AGTPBP1: variants seen among roughly 807,000 people sequenced by gnomAD.
The protein encoded by AGTPBP1 is cytosolic carboxypeptidase 1.
A neutral mutation model predicts 143.9 loss-of-function variants in AGTPBP1; 70 were observed. The ratio of observed to expected loss-of-function variants is 0.49; its 90% CI spans 0.40 to 0.59. AGTPBP1 has a LOEUF of 0.59. AGTPBP1 is among the 20% of genes least tolerant of loss of function. AGTPBP1 has a pLI of 0.00. For synonymous variants in AGTPBP1, 463 were observed against 500.2 expected, an observed-to-expected ratio of 0.93 and a Z score of 0.99; for missense variants, 1,229 against 1,464.5, an observed-to-expected ratio of 0.84 and a Z score of 2.62.
chr9:85,641,119 T>C (rs1163722392), intron 13 of AGTPBP1, among the ~76,000 whole-genome samples: 1 of 152,086 alleles, frequency 6.6e-6, no homozygotes, highest in African/African-American at 2.4e-5. Context: ...CAAAAAAACA[T>C]GGTATATAAA....
intron 17 of AGTPBP1, among the ~76,000 whole-genome samples, chr9:85,607,178 C>T (rs536237115): frequency 6.6e-6 from 1 of 152,024 alleles, no homozygotes; most frequent in East Asian, 1.9e-4. Context: ...TAAATATGTG[C>T]AAATATTATG....
chr9:85,675,738 C>T (rs1322920070), intron 6 of AGTPBP1, among the ~76,000 whole-genome samples: 1 of 151,908 alleles, frequency 6.6e-6, no homozygotes, highest in Non-Finnish European at 1.5e-5. Context: ...TATAAAAAAC[C>T]ATTTCGGCTG....
rs761137575 is a variant in AGTPBP1, at chr9:85,657,612, T to A, written c.732A>T (p.Gly244=). 2 of 1,613,764 alleles carry A rather than the reference T, an allele frequency of 1.2e-6. No homozygotes were observed. Among genetic ancestry groups the A allele is most frequent in the Non-Finnish European group, 1.7e-6 (2 of 1,179,864 alleles). ...AAATTGTTAAAAGCACTTGGACATA[T>A]CCTCTGTCTACAGCTCTCCTGGCAT... ...KTNARRAVDR[G]YVQVLLTIYV... The change falls in exon 10 of 26, where the codon GGA becomes GGT. Residue 244 remains glycine (G), a synonymous_variant. Coordinates refer to ENST00000357081, the MANE Select transcript of AGTPBP1 (RefSeq NM_001330701.2).
intron 1 of AGTPBP1, among the ~76,000 whole-genome samples, chr9:85,739,719 A>C (rs1293833218): frequency 6.6e-6 from 1 of 151,654 alleles, no homozygotes; most frequent in African/African-American, 2.4e-5. Flanking sequence ...AAAAAAAAAA[A>C]AAAAAAAATT....
chr9:85,648,078 G>A (rs2133870494), intron 11 of AGTPBP1, among the ~76,000 whole-genome samples: 1 of 152,298 alleles, frequency 6.6e-6, no homozygotes, highest in African/African-American at 2.4e-5. Context: ...TCTAGAAACA[G>A]AATACCTGAA....
chr9:85,797,427 T>C, the AGTPBP1 span, among the ~76,000 whole-genome samples: 1 of 152,208 alleles, frequency 6.6e-6, no homozygotes, highest in Non-Finnish European at 1.5e-5. Flanking sequence ...GTTTTCTCTA[T>C]ATCTATCACC....
At chr9:85,615,682 T>G (rs1830565825) in intron 17 of AGTPBP1, among the ~76,000 whole-genome samples, 1 of 150,212 alleles carries the variant, frequency 6.7e-6, no homozygotes. Context: ...TAAACAATGG[T>G]TTTTTTTGGA....
At chr9:85,738,099 T>C (rs1823933996) in intron 1 of AGTPBP1, among the ~76,000 whole-genome samples, 1 of 152,216 alleles carries the variant, frequency 6.6e-6, no homozygotes, top group South Asian at 2.1e-4. Flanking sequence ...GGTGTTTATA[T>C]TAACATGTAA....
intron 2 of AGTPBP1, among the ~76,000 whole-genome samples, chr9:85,697,195 T>G (rs1418324109): frequency 6.6e-6 from 1 of 152,110 alleles, no homozygotes; most frequent in Non-Finnish European, 1.5e-5. Context: ...AAAATGTATG[T>G]GTATATATAT....
At chr9:85,578,866 TGAAAG>T in intron 24 of AGTPBP1, 49 bp downstream of exon 24, 2 of 1,558,830 alleles carry the variant, frequency 1.3e-6, no homozygotes, top group Non-Finnish European at 1.7e-6. Flanking sequence ...AAGATATATA[TGAAAG>T]GAAAGTCTTC....
the AGTPBP1 span, among the ~76,000 whole-genome samples, chr9:85,779,214 T>C: frequency 7.2e-6 from 1 of 138,666 alleles, no homozygotes; most frequent in Admixed American, 7.0e-5. Context: ...TAGATATAGA[T>C]ATAGATATAG....
At chr9:85,652,267 T>G (rs1024727486) in intron 11 of AGTPBP1, among the ~76,000 whole-genome samples, 2 of 152,108 alleles carry the variant, frequency 1.3e-5, no homozygotes, top group Non-Finnish European at 2.9e-5. Flanking sequence ...TCCTAGCACT[T>G]TGGGAGGCTG....
At chr9:85,770,774 C>T in the AGTPBP1 span, among the ~76,000 whole-genome samples, 2 of 151,922 alleles carry the variant, frequency 1.3e-5, no homozygotes, top group African/African-American at 4.8e-5. Flanking sequence ...AAGTTATATT[C>T]CTTGCTCATT....
chr9:85,708,332 C>T (rs1341874060), intron 2 of AGTPBP1, among the ~76,000 whole-genome samples: 3 of 152,106 alleles, frequency 2.0e-5, no homozygotes, highest in Non-Finnish European at 4.4e-5. Context: ...CATCAAGATG[C>T]TCAATTTATT....
chr9:85,609,516 G>A (rs1587730731), intron 17 of AGTPBP1, among the ~76,000 whole-genome samples: 1 of 152,006 alleles, frequency 6.6e-6, no homozygotes, highest in Non-Finnish European at 1.5e-5. Context: ...CTCCTGACCT[G>A]GTGATCCGCC....
At chr9:85,753,383 G>A in the AGTPBP1 span, 9 of 1,613,474 alleles carry the variant, frequency 5.6e-6, no homozygotes, top group Non-Finnish European at 7.6e-6. Context: ...ACTTGAAAAG[G>A]AGAAAAGGTT....
intron 25 of AGTPBP1, among the ~76,000 whole-genome samples, chr9:85,557,736 T>A (rs1826442418): frequency 6.6e-6 from 1 of 152,232 alleles, no homozygotes; most frequent in African/African-American, 2.4e-5. Flanking sequence ...TTAATTTAAT[T>A]TTCTCAGAAG....
At chr9:85,588,080 G>A (rs995855559) in intron 21 of AGTPBP1, among the ~76,000 whole-genome samples, 2 of 152,080 alleles carry the variant, frequency 1.3e-5, no homozygotes, top group Admixed American at 1.3e-4. Flanking sequence ...AGGGCACTAG[G>A]CCCTATAAAA....
chr9:85,677,008 G>C (rs1168832260), intron 6 of AGTPBP1, among the ~76,000 whole-genome samples: 2 of 152,156 alleles, frequency 1.3e-5, no homozygotes, highest in Admixed American at 1.3e-4. Context: ...GGAGTGAATA[G>C]AATAGTGGTT....
Sources: gnomAD v4.1 joint callset for allele counts (sites outside exome capture counted in the v4.1 genomes callset) on GRCh38, gnomAD v4.1.1 for gene constraint, MANE v1.5 for transcripts, NCBI Gene and HGNC (gene_info 2026-07-23, HGNC 2026-07-21) for gene names.